Variants in SYNRG observed in about 807,000 individuals in gnomAD.
The protein encoded by SYNRG is synergin gamma.
A neutral mutation model predicts 130.9 loss-of-function variants in SYNRG; 37 were observed. That is an observed-to-expected ratio of 0.28 (90% CI 0.22 to 0.37). The LOEUF is 0.37. Among genes scored for constraint, SYNRG ranks in the 10% least tolerant of loss-of-function variants. The pLI, the probability that SYNRG is intolerant of heterozygous loss-of-function variation, is 1.00. For missense variants in SYNRG, 1,338 were observed against 1,588.9 expected (o/e 0.84, Z 2.68); for synonymous variants, 539 against 568.1 (o/e 0.95, Z 0.73).
chr17:37,558,602 C>G (rs1272978753), intron 13 of SYNRG, among the ~76,000 whole-genome samples: 1 of 152,122 alleles, frequency 6.6e-6, no homozygotes, highest in African/African-American at 2.4e-5. Flanking sequence ...AGATGGTAAC[C>G]ACATGGGCAC....
intron 13 of SYNRG, among the ~76,000 whole-genome samples, chr17:37,559,779 C>T (rs1361082687): frequency 6.6e-6 from 1 of 152,060 alleles, no homozygotes; most frequent in Non-Finnish European, 1.5e-5. Flanking sequence ...ATTAGCAGTA[C>T]ATTGTTGAGC....
intron 10 of SYNRG, among the ~76,000 whole-genome samples, chr17:37,569,828 T>C (rs1016048651): frequency 1.3e-5 from 2 of 152,138 alleles, no homozygotes; most frequent in African/African-American, 2.4e-5. Flanking sequence ...AGAAGTACTG[T>C]TAACAGCTCA....
At chr17:37,526,625 T>C (rs2055954971) in intron 19 of SYNRG, among the ~76,000 whole-genome samples, 1 of 152,206 alleles carries the variant, frequency 6.6e-6, no homozygotes. Flanking sequence ...ATCTGTTTCC[T>C]TGCCTTTTCT....
At position 37,519,057 on chromosome 17, in the gene SYNRG, TTC is replaced by T; in HGVS notation, c.3826_3827del (p.Glu1276AsnfsTer36). On this transcript the variant is annotated frameshift_variant, in exon 22 of 22. Transcript: ENST00000612223. LOFTEE classifies it high-confidence loss of function. ...CATAGGCCAGCTTGAAACTGTCTGT[TTC>T]TGAGTTGAATGCCTGCCAGAAATAA... Reference protein sequence around the residue: ...EEHPKKAFNSETDSFKLAYGG... With the variant: ...EEHPKKAFNSXTDSFKLAYGG... 1 of 1,613,744 alleles carries T rather than the reference TTC, an allele frequency of 6.2e-7. No individual in the cohort carries two copies. The highest frequency in any genetic ancestry group is 1.3e-5 in the African/African-American group (1 of 75,040).
intron 1 of SYNRG, chr17:37,601,081 T>C (rs1598659563): frequency 6.6e-6 from 1 of 152,556 alleles, no homozygotes; most frequent in East Asian, 1.9e-4. Context: ...TTATTTATTT[T>C]TGTGAGATGG....
chr17:37,579,709 A>G (rs1429257314), intron 6 of SYNRG, among the ~76,000 whole-genome samples: 1 of 152,084 alleles, frequency 6.6e-6, no homozygotes, highest in Non-Finnish European at 1.5e-5. Context: ...ACATGTATCT[A>G]TTCATTTATT....
intron 11 of SYNRG, 71 bp downstream of exon 11, chr17:37,568,720 A>C: frequency 2.6e-6 from 4 of 1,543,030 alleles, no homozygotes; most frequent in Non-Finnish European, 3.5e-6. Context: ...TCTCACACCT[A>C]GCCTTCCTAT....
rs2054608809 is a variant in SYNRG, at chr17:37,518,670, T to G, written c.*270A>C. The G allele has an allele frequency of 2.5e-6, 1 of 395,288 alleles. No individual in the cohort carries two copies. Among genetic ancestry groups the G allele is most frequent in the Admixed American group, 4.1e-5 (1 of 24,536 alleles). 24.5% of individuals were successfully genotyped at this position (395,288 alleles called of 1,614,324 possible). A position where few individuals can be genotyped will look rare whatever the true frequency, so the allele number is the denominator to read the frequency against. On this transcript the variant is annotated 3_prime_UTR_variant, in exon 22 of 22. Transcript: ENST00000612223. ...AATACTGCAGCAGCAAGTTCTTCCT[T>G]AGATCAAGAAAGCCGTGGTCCGTAT...
rs75997163 is a variant in SYNRG, at chr17:37,592,483, C to A, written c.240+3740G>T. On this transcript the variant is annotated intron_variant, in intron 3 of 21. Transcript: ENST00000612223. ...ATGAGGACATATGTTCACGCAAAAA[C>A]CTTTATTTGTAATAGCCAAAAATTG... Among the ~76,000 whole-genome samples, 403 of 152,206 alleles carry A rather than the reference C, an allele frequency of 2.6e-3. 2 individuals carry two copies. Among genetic ancestry groups the A allele is most frequent in the African/African-American group, 9.4e-3 (390 of 41,532 alleles).
chr17:37,516,024 T>G lies in SYNRG; in HGVS notation c.*2916A>C, dbSNP rs962536311. ...ATGGAAAATATCCTCATATATCCAG[T>G]ACCTCTTCTATCTCAAGCATGTCCA... is the stretch of plus-strand genomic sequence containing the variant. On this transcript the variant is annotated 3_prime_UTR_variant, in exon 22 of 22. Coordinates refer to ENST00000612223, the MANE Select transcript of SYNRG (RefSeq NM_007247.6). The G allele has an allele frequency of 2.6e-5, 4 of 152,214 alleles. No homozygotes were observed. Among genetic ancestry groups the G allele is most frequent in the Non-Finnish European group, 5.9e-5 (4 of 68,034 alleles). The allele number at this position is 152,214 out of a possible 1,614,324, so 9.4% of individuals were successfully genotyped here. A position where few individuals can be genotyped will look rare whatever the true frequency, so the allele number is the denominator to read the frequency against.
chr17:37,572,962 T>A (rs2060543864), intron 8 of SYNRG, among the ~76,000 whole-genome samples: 1 of 152,178 alleles, frequency 6.6e-6, no homozygotes, highest in African/African-American at 2.4e-5. Flanking sequence ...TAACTGGGCA[T>A]CCTGTATGGT....
At chr17:37,541,063 T>C in intron 15 of SYNRG, 2 of 985,796 alleles carry the variant, frequency 2.0e-6, no homozygotes, top group South Asian at 9.4e-5. Flanking sequence ...TGCGTTTCGT[T>C]TTCAACATGA....
chr17:37,561,353 C>T, intron 12 of SYNRG, 96 bp from the exon 13 acceptor site: 2 of 1,445,080 alleles, frequency 1.4e-6, no homozygotes, highest in East Asian at 2.3e-5. Context: ...ACACTATTAA[C>T]ATGTGGTATA....
At position 37,518,868 on chromosome 17, in the gene SYNRG, C is replaced by T. The variant is rs149263177; in HGVS notation, c.*72G>A. On this transcript the variant is annotated 3_prime_UTR_variant, in exon 22 of 22. Transcript: ENST00000612223. Reference sequence around the variant, plus strand: ...AAGCGAACTGTGCAGTGCTCGCATTCTATTTATTGGTCCCTGTCACCCCGT... The same window carrying T: ...AAGCGAACTGTGCAGTGCTCGCATTTTATTTATTGGTCCCTGTCACCCCGT... The T allele has an allele frequency of 3.2e-6, 5 of 1,574,550 alleles. No homozygotes were observed. In the African/African-American group the frequency reaches 6.8e-5, roughly 21 times the overall value.
At chr17:37,573,204 C>T (rs1488635713) in intron 8 of SYNRG, among the ~76,000 whole-genome samples, 1 of 151,976 alleles carries the variant, frequency 6.6e-6, no homozygotes, top group African/African-American at 2.4e-5. Flanking sequence ...GAGTTCGAGA[C>T]CAGCCTAGCC....
At chr17:37,583,674 A>G (rs1278107411) in intron 6 of SYNRG, among the ~76,000 whole-genome samples, 1 of 152,126 alleles carries the variant, frequency 6.6e-6, no homozygotes, top group African/African-American at 2.4e-5. Flanking sequence ...CAGCTGATAA[A>G]ATGTCAAAAC....
At chr17:37,541,754 C>T in intron 15 of SYNRG, 2 of 597,472 alleles carry the variant, frequency 3.3e-6, no homozygotes, top group Non-Finnish European at 5.9e-6. Context: ...GCATGCTGTG[C>T]TTGTTTTTAG....
At chr17:37,598,283 G>C (rs1298720785) in intron 2 of SYNRG, among the ~76,000 whole-genome samples, 2 of 152,314 alleles carry the variant, frequency 1.3e-5, no homozygotes, top group East Asian at 1.9e-4. Context: ...TTTACCAACA[G>C]GGTAGTATTT....
In SYNRG at chr17:37,516,462, G is replaced by A. The variant is rs2054434707; in HGVS notation, c.*2478C>T. Reference sequence around the variant, plus strand: ...GTGGCACCTCCCAAGGAGTGACTAAGCCTACCATCCTTGGTAAGGAAAATG... The same window carrying A: ...GTGGCACCTCCCAAGGAGTGACTAAACCTACCATCCTTGGTAAGGAAAATG... On this transcript the variant is annotated 3_prime_UTR_variant, in exon 22 of 22. Transcript: ENST00000612223. 6.6e-6 allele frequency: 1 copy of A among 152,116 alleles called. No individual in the cohort carries two copies. The highest frequency in any genetic ancestry group is 6.5e-5 in the Admixed American group (1 of 15,276). 9.4% of individuals were successfully genotyped at this position (152,116 alleles called of 1,614,324 possible). A position where few individuals can be genotyped will look rare whatever the true frequency, so the allele number is the denominator to read the frequency against.
Sources: gnomAD v4.1 joint callset for allele counts (sites outside exome capture counted in the v4.1 genomes callset) on GRCh38, gnomAD v4.1.1 for gene constraint, MANE v1.5 for transcripts, NCBI Gene and HGNC (gene_info 2026-07-23, HGNC 2026-07-21) for gene names.